Variants in TLCD4 observed in about 807,000 individuals in gnomAD.
The protein encoded by TLCD4 is TLC domain containing 4.
A neutral mutation model predicts 24.2 loss-of-function variants in TLCD4; 7 were observed. That is an observed-to-expected ratio of 0.29 (90% CI 0.16 to 0.54). The LOEUF (loss-of-function observed/expected upper bound fraction) is 0.54, where lower values mean the gene tolerates loss of function less well. TLCD4 is among the 20% of genes least tolerant of loss of function. TLCD4 has a pLI of 0.95. For missense variants in TLCD4, 259 were observed against 313.9 expected, an observed-to-expected ratio of 0.82 and a Z score of 1.32; for synonymous variants, 103 against 106.4, an observed-to-expected ratio of 0.97 and a Z score of 0.20.
rs934764018 is a variant in TLCD4 at position 95,196,311 on chromosome 1, T to C, written c.*4443T>C. The C allele has an allele frequency of 6.6e-6, 1 of 152,182 alleles. No individual in the cohort carries two copies. Among genetic ancestry groups the C allele is most frequent in the Non-Finnish European group, 1.5e-5 (1 of 68,016 alleles). The allele number at this position is 152,182 out of a possible 1,614,324, so 9.4% of individuals were successfully genotyped here. A position where few individuals can be genotyped will look rare whatever the true frequency, so the allele number is the denominator to read the frequency against. On this transcript the variant is annotated 3_prime_UTR_variant, in exon 7 of 7. Transcript: ENST00000370203. ...GAGGAACTGAGATAACTCTGTGTTA[T>C]GAGAGGGTGGATGCTGGCTTGTGCC...
intron 6 of TLCD4, among the ~76,000 whole-genome samples, chr1:95,191,203 C>A (rs1679017083): frequency 6.6e-6 from 1 of 152,150 alleles, no homozygotes; most frequent in South Asian, 2.1e-4. Flanking sequence ...TACAATTTTG[C>A]ACACCTTGTT....
chr1:95,144,831 CA>C (rs1677303953), intron 2 of TLCD4, among the ~76,000 whole-genome samples: 1 of 152,096 alleles, frequency 6.6e-6, no homozygotes, highest in Non-Finnish European at 1.5e-5. Context: ...GCTGGGATTA[CA>C]GGCATGCGCC....
intron 5 of TLCD4, 98 bp from the exon 6 acceptor site, chr1:95,173,718 G>T: frequency 1.3e-6 from 2 of 1,503,758 alleles, no homozygotes; most frequent in Non-Finnish European, 1.8e-6. Context: ...GGTATTGATT[G>T]TTATATTATG....
At chr1:95,127,723 T>C (rs1557678214) in intron 1 of TLCD4, among the ~76,000 whole-genome samples, 1 of 152,224 alleles carries the variant, frequency 6.6e-6, no homozygotes, top group Non-Finnish European at 1.5e-5. Flanking sequence ...TCAGGGACTC[T>C]TCCTAGCATA....
At chr1:95,187,483 A>G (rs1444111623) in intron 6 of TLCD4, among the ~76,000 whole-genome samples, 4 of 151,856 alleles carry the variant, frequency 2.6e-5, no homozygotes, top group South Asian at 2.1e-4. Context: ...CTGTCCCTCA[A>G]TTTGGGTTTG....
At chr1:95,123,533 A>G (rs796939686) in intron 1 of TLCD4, among the ~76,000 whole-genome samples, 8 of 152,358 alleles carry the variant, frequency 5.3e-5, no homozygotes, top group African/African-American at 1.9e-4. Context: ...TTACAAAAAA[A>G]TTATAAATGA....
chr1:95,104,110 G>A, the TLCD4 span, among the ~76,000 whole-genome samples: 1 of 152,068 alleles, frequency 6.6e-6, no homozygotes, highest in Non-Finnish European at 1.5e-5. Context: ...TTAACTTTAG[G>A]TAATTGCTTA....
intron 4 of TLCD4, among the ~76,000 whole-genome samples, chr1:95,150,583 A>G (rs773539417): frequency 6.6e-6 from 1 of 152,028 alleles, no homozygotes; most frequent in African/African-American, 2.4e-5. Flanking sequence ...ACGAAATTTA[A>G]CTTTTAGGGT....
chr1:95,111,489 G>A, the TLCD4 span, among the ~76,000 whole-genome samples: 1 of 152,144 alleles, frequency 6.6e-6, no homozygotes, highest in Non-Finnish European at 1.5e-5. Context: ...TTTGCAAAAT[G>A]ACATGAAAAT....
chr1:95,126,355 G>C (rs1279776043), intron 1 of TLCD4, among the ~76,000 whole-genome samples: 9 of 151,458 alleles, frequency 5.9e-5, no homozygotes, highest in Non-Finnish European at 1.5e-5. Flanking sequence ...TTGAACTCAG[G>C]AGGCAGAGGT....
chr1:95,147,049 G>A (rs1400464263), intron 2 of TLCD4, among the ~76,000 whole-genome samples: 4 of 151,650 alleles, frequency 2.6e-5, no homozygotes, highest in Non-Finnish European at 5.9e-5. Flanking sequence ...TTTAAATGGA[G>A]TATTTTATTT....
Position 95,129,524 on chromosome 1 carries a change from C to G in TLCD4, c.-12+11907C>G, listed in dbSNP as rs1571727002. Among the ~76,000 whole-genome samples, 8 of 152,254 alleles carry G rather than the reference C, an allele frequency of 5.3e-5. No homozygotes were observed. In the South Asian group the frequency reaches 1.7e-3, roughly 32 times the overall value. ...TGGGAGGCCAAGGCCAGTGGGTCATCTGAGGTCAAGAGTTCGAGACCAACC... is the reference window on the plus strand; with the variant it reads ...TGGGAGGCCAAGGCCAGTGGGTCATGTGAGGTCAAGAGTTCGAGACCAACC... On this transcript the variant is annotated intron_variant, in intron 1 of 6. Coordinates refer to ENST00000370203, the MANE Select transcript of TLCD4 (RefSeq NM_152487.3).
intron 6 of TLCD4, among the ~76,000 whole-genome samples, chr1:95,177,369 G>A (rs918648624): frequency 6.6e-6 from 1 of 152,094 alleles, no homozygotes; most frequent in African/African-American, 2.4e-5. Flanking sequence ...GGGTAACACA[G>A]TAAGTTGGGA....
chr1:95,124,407 T>C (rs1443820832), intron 1 of TLCD4, among the ~76,000 whole-genome samples: 1 of 151,918 alleles, frequency 6.6e-6, no homozygotes, highest in Non-Finnish European at 1.5e-5. Context: ...GCGAGAAAAA[T>C]TTTCTCCTTT....
the TLCD4 span, among the ~76,000 whole-genome samples, chr1:95,094,716 T>C: frequency 6.6e-6 from 1 of 152,072 alleles, no homozygotes; most frequent in Non-Finnish European, 1.5e-5. Context: ...CAGAAGAACT[T>C]CCCAGCTAAA....
upstream of TLCD4, among the ~76,000 whole-genome samples, chr1:95,113,187 C>A (rs538846344): frequency 4.0e-5 from 6 of 151,798 alleles, no homozygotes; most frequent in East Asian, 1.2e-3. Context: ...GGATTACAGG[C>A]GTGCGCCACT....
At chr1:95,113,214 C>T (rs565479899), upstream of TLCD4, among the ~76,000 whole-genome samples, 1 of 151,428 alleles carries the variant, frequency 6.6e-6, no homozygotes, top group East Asian at 2.0e-4. Context: ...AGCTACTTTT[C>T]GTATTTTTAG....
chr1:95,124,065 C>T (rs1282124517), intron 1 of TLCD4, among the ~76,000 whole-genome samples: 2 of 152,200 alleles, frequency 1.3e-5, no homozygotes, highest in Non-Finnish European at 2.9e-5. Context: ...TACAAGAGGT[C>T]ACTCTCTGAT....
chr1:95,171,440 T>C (rs1678219166), intron 5 of TLCD4, among the ~76,000 whole-genome samples: 1 of 152,210 alleles, frequency 6.6e-6, no homozygotes, highest in Non-Finnish European at 1.5e-5. Context: ...TGTGTTGTAA[T>C]TGTGAGCAGT....
Sources: allele counts gnomAD v4.1 joint callset (sites outside exome capture counted in the v4.1 genomes callset), GRCh38; gene constraint gnomAD v4.1.1; transcripts MANE v1.5; gene names NCBI Gene and HGNC (gene_info 2026-07-23, HGNC 2026-07-21).